Variants in IL1RAPL1 observed in about 807,000 individuals in gnomAD.
IL1RAPL1 encodes interleukin-1 receptor accessory protein-like 1.
Under a neutral mutation model 48.4 loss-of-function variants are expected in IL1RAPL1, and 3 were observed. The observed-to-expected ratio is 0.06, with a 90% CI of 0.03 to 0.16. IL1RAPL1 has a LOEUF of 0.16. Among genes scored for constraint, IL1RAPL1 ranks in the 10% least tolerant of loss-of-function variants. The pLI, the probability that IL1RAPL1 is intolerant of heterozygous loss-of-function variation, is 1.00. For synonymous variants in IL1RAPL1, 185 were observed against 187.7 expected (o/e 0.99, Z 0.12); for missense variants, 349 against 530.6 (o/e 0.66, Z 3.36).
At chrX:29,000,454 A>G (rs1925825438) in intron 2 of IL1RAPL1, among the ~76,000 whole-genome samples, 2 of 111,756 alleles carry the variant, frequency 1.8e-5, no homozygotes, top group South Asian at 7.5e-4. Context: ...TACAGGTCTT[A>G]TGTCTTGTTT....
At chrX:28,766,577 C>T (rs1236406666) in intron 1 of IL1RAPL1, among the ~76,000 whole-genome samples, 1 of 110,583 alleles carries the variant, frequency 9.0e-6, no homozygotes, top group Non-Finnish European at 1.9e-5. Context: ...TTAAAATGTA[C>T]AATTAAGTTA....
rs762157306 is a variant in IL1RAPL1 at position 29,260,261 on chromosome X, G to A, written c.83-22677G>A. ...GCTAACTGAGGATAAAACTCTAATC[G>A]TGCAGACTTTAGTTGCTGTATTAGT... On this transcript the variant is annotated intron_variant, in intron 2 of 10. Coordinates refer to ENST00000378993, the MANE Select transcript of IL1RAPL1 (RefSeq NM_014271.4). Among the ~76,000 whole-genome samples, 7 of 112,437 alleles carry A rather than the reference G, an allele frequency of 6.2e-5. No homozygotes were observed. In the South Asian group the frequency reaches 2.6e-3, roughly 41 times the overall value.
chrX:28,993,619 T>C (rs1375207605), intron 2 of IL1RAPL1, among the ~76,000 whole-genome samples: 3 of 112,145 alleles, frequency 2.7e-5, no homozygotes, highest in Non-Finnish European at 5.6e-5. Flanking sequence ...AAGTAGGAGG[T>C]TGTCAAATAA....
chrX:29,595,608 T>A (rs939326128), intron 5 of IL1RAPL1, among the ~76,000 whole-genome samples: 2 of 111,989 alleles, frequency 1.8e-5, no homozygotes, highest in African/African-American at 6.5e-5. Context: ...CTTGCTAATT[T>A]GTTTGAGTTC....
intron 3 of IL1RAPL1, among the ~76,000 whole-genome samples, chrX:29,302,691 G>A (rs1365252397): frequency 1.8e-5 from 2 of 111,402 alleles, no homozygotes; most frequent in African/African-American, 6.5e-5. Context: ...TAATCAGATG[G>A]ATGACAAAAA....
intron 3 of IL1RAPL1, among the ~76,000 whole-genome samples, chrX:29,378,756 C>A (rs1204910908): frequency 9.0e-6 from 1 of 111,624 alleles, no homozygotes; most frequent in Non-Finnish European, 1.9e-5. Context: ...CTTGCATTTG[C>A]AGCCATGCTC....
At chrX:29,399,616 C>T (rs2147688606) in intron 5 of IL1RAPL1, among the ~76,000 whole-genome samples, 1 of 110,795 alleles carries the variant, frequency 9.0e-6, no homozygotes, top group Admixed American at 9.6e-5. Flanking sequence ...GTCAGGGGTT[C>T]AGGACCAGCC....
intron 3 of IL1RAPL1, among the ~76,000 whole-genome samples, chrX:29,339,353 A>G (rs755026328): frequency 8.9e-6 from 1 of 111,757 alleles, no homozygotes; most frequent in Non-Finnish European, 1.9e-5. Flanking sequence ...CATTATGTAA[A>G]GAACCTAACC....
At chrX:29,890,816 G>C (rs1424984650) in intron 6 of IL1RAPL1, among the ~76,000 whole-genome samples, 1 of 111,949 alleles carries the variant, frequency 8.9e-6, no homozygotes, top group East Asian at 2.8e-4. Context: ...CACAGTTCCT[G>C]TGAGCTATTC....
At position 28,842,282 on chromosome X, in the gene IL1RAPL1, C is replaced by A. The variant is rs752628912; in HGVS notation, c.82+52857C>A. 1.2e-4 allele frequency among the ~76,000 whole-genome samples: 13 copies of A among 105,099 alleles called. No individual in the cohort carries two copies. In the East Asian group the frequency reaches 2.4e-3, roughly 19 times the overall value. 91.3% of individuals were successfully genotyped at this position (105,099 alleles called of 115,157 possible). A position where few individuals can be genotyped will look rare whatever the true frequency, so the allele number is the denominator to read the frequency against. ...GGAGGGTATGTTACGATATAAATTT[C>A]AAAAAAAAAATAGTTTTAAAATATG... On this transcript the variant is annotated intron_variant, in intron 2 of 10. Transcript: ENST00000378993.
chrX:29,635,097 G>C (rs1380543373), intron 5 of IL1RAPL1, among the ~76,000 whole-genome samples: 2 of 110,865 alleles, frequency 1.8e-5, no homozygotes, highest in East Asian at 2.8e-4. Flanking sequence ...GATACAGGAG[G>C]TCTGGTTAAT....
At chrX:29,210,532 T>A (rs955610045) in intron 2 of IL1RAPL1, among the ~76,000 whole-genome samples, 2 of 112,383 alleles carry the variant, frequency 1.8e-5, no homozygotes, top group Non-Finnish European at 3.8e-5. Context: ...TTTAATTTAT[T>A]CTTTACTCAT....
At chrX:28,898,969 C>T (rs1174287580) in intron 2 of IL1RAPL1, among the ~76,000 whole-genome samples, 1 of 111,375 alleles carries the variant, frequency 9.0e-6, no homozygotes, top group East Asian at 2.8e-4. Context: ...AGTCCATTTT[C>T]ACACTGCTAT....
rs964516138 is a variant in IL1RAPL1 at position 29,947,456 on chromosome X, A to C, written c.1201+5662A>C. On this transcript the variant is annotated intron_variant, in intron 9 of 10. Coordinates refer to ENST00000378993, the MANE Select transcript of IL1RAPL1 (RefSeq NM_014271.4). Reference sequence around the variant, plus strand: ...CACGAATCCTATTTTAAAGATGAAGAAAGAGATCTCCTAGTCCTACGTTGG... The same window carrying C: ...CACGAATCCTATTTTAAAGATGAAGCAAGAGATCTCCTAGTCCTACGTTGG... 2.7e-5 allele frequency among the ~76,000 whole-genome samples: 3 copies of C among 111,571 alleles called. 1 individual carries two copies. Among genetic ancestry groups the C allele is most frequent in the Middle Eastern group, 8.4e-3 (2 of 239 alleles).
chrX:29,480,263 G>A (rs1305735769), intron 5 of IL1RAPL1, among the ~76,000 whole-genome samples: 2 of 90,269 alleles, frequency 2.2e-5, no homozygotes, highest in East Asian at 3.5e-4. Flanking sequence ...ATTAATTGAA[G>A]CATGATATAT....
chrX:28,948,749 C>G (rs1442475064), intron 2 of IL1RAPL1, among the ~76,000 whole-genome samples: 3 of 111,167 alleles, frequency 2.7e-5, no homozygotes, highest in Non-Finnish European at 5.7e-5. Flanking sequence ...GATACATGTT[C>G]TAAGACCTTC....
rs1936862912 is a variant in IL1RAPL1, at chrX:28,815,881, AT to A, written c.82+26457del. On this transcript the variant is annotated intron_variant, in intron 2 of 10. Transcript: ENST00000378993. ...TATATATATATATATATATATATAT[AT>A]ATAATTTTTTTCTTAACCATTCATC... is the stretch of plus-strand genomic sequence containing the variant. 5.5e-4 allele frequency among the ~76,000 whole-genome samples: 41 copies of A among 74,020 alleles called. 1 individual carries two copies. The highest frequency in any genetic ancestry group is 2.1e-3 in the African/African-American group (40 of 18,907). The allele number at this position is 74,020 out of a possible 115,157, so 64.3% of individuals were successfully genotyped here.
chrX:28,748,356 T>C (rs780145837), intron 1 of IL1RAPL1, among the ~76,000 whole-genome samples: 15 of 111,876 alleles, frequency 1.3e-4, no homozygotes, highest in Non-Finnish European at 2.4e-4. Flanking sequence ...TTTCTCTTTC[T>C]TGCATTTGGG....
chrX:29,149,967 A>G (rs1278663983), intron 2 of IL1RAPL1, among the ~76,000 whole-genome samples: 1 of 111,951 alleles, frequency 8.9e-6, no homozygotes, highest in Non-Finnish European at 1.9e-5. Context: ...GTCACCGATT[A>G]GATGTGACCT....
Sources: allele counts gnomAD v4.1 joint callset (sites outside exome capture counted in the v4.1 genomes callset), GRCh38; gene constraint gnomAD v4.1.1; transcripts MANE v1.5; gene names NCBI Gene and HGNC (gene_info 2026-07-23, HGNC 2026-07-21).